IL1RAPL1: variants seen among roughly 807,000 people sequenced by gnomAD.
The protein encoded by IL1RAPL1 is interleukin-1 receptor accessory protein-like 1.
In IL1RAPL1, 3 loss-of-function variants were observed where a neutral mutation model predicts 48.4. The ratio of observed to expected loss-of-function variants is 0.06; its 90% CI spans 0.03 to 0.16. The LOEUF is 0.16. Among genes scored for constraint, IL1RAPL1 ranks in the 10% least tolerant of loss-of-function variants. The pLI is 1.00. For missense variants in IL1RAPL1, 349 were observed against 530.6 expected, an observed-to-expected ratio of 0.66 and a Z score of 3.36; for synonymous variants, 185 against 187.7, an observed-to-expected ratio of 0.99 and a Z score of 0.12.
chrX:28,710,393 G>T (rs961336300), intron 1 of IL1RAPL1, among the ~76,000 whole-genome samples: 11 of 110,863 alleles, frequency 9.9e-5, no homozygotes, highest in African/African-American at 3.3e-4. Flanking sequence ...CTTAAATGGG[G>T]CAGTCAGGGT....
chrX:29,666,858 T>C (rs1926014955), intron 5 of IL1RAPL1, among the ~76,000 whole-genome samples: 1 of 111,475 alleles, frequency 9.0e-6, no homozygotes, highest in African/African-American at 3.3e-5. Flanking sequence ...AACACTTATT[T>C]AGATACCATA....
intron 2 of IL1RAPL1, among the ~76,000 whole-genome samples, chrX:29,158,245 C>T (rs951272646): frequency 6.2e-5 from 7 of 112,239 alleles, no homozygotes; most frequent in Non-Finnish European, 1.3e-4. Flanking sequence ...GAAAGGGTAC[C>T]TTGCATTCCA....
intron 3 of IL1RAPL1, among the ~76,000 whole-genome samples, chrX:29,387,057 A>G (rs1933787281): frequency 8.9e-6 from 1 of 112,171 alleles, no homozygotes; most frequent in East Asian, 2.8e-4. Flanking sequence ...ATTTCAAACC[A>G]TGACAGGGGA....
chrX:28,941,288 A>G (rs1361000340), intron 2 of IL1RAPL1, among the ~76,000 whole-genome samples: 1 of 111,333 alleles, frequency 9.0e-6, no homozygotes, highest in Non-Finnish European at 1.9e-5. Flanking sequence ...AAAAGGGTAG[A>G]GATTAGCGTT....
At chrX:29,921,852 A>T (rs1195717535) in intron 8 of IL1RAPL1, among the ~76,000 whole-genome samples, 1 of 112,159 alleles carries the variant, frequency 8.9e-6, no homozygotes, top group Non-Finnish European at 1.9e-5. Flanking sequence ...GACAGTCACC[A>T]TGAGTCTCTG....
intron 2 of IL1RAPL1, among the ~76,000 whole-genome samples, chrX:28,793,317 A>G (rs1350308942): frequency 9.0e-6 from 1 of 110,667 alleles, no homozygotes; most frequent in Non-Finnish European, 1.9e-5. Flanking sequence ...TTAGCTTTAC[A>G]TTCTTGTTTG....
chrX:28,956,817 G>C (rs1924624845), intron 2 of IL1RAPL1, among the ~76,000 whole-genome samples: 1 of 106,868 alleles, frequency 9.4e-6, no homozygotes, highest in African/African-American at 3.4e-5. Flanking sequence ...CTATTGATTG[G>C]AATAGTTTCA....
chrX:29,515,142 G>C (rs1431687649), intron 5 of IL1RAPL1, among the ~76,000 whole-genome samples: 1 of 112,157 alleles, frequency 8.9e-6, no homozygotes, highest in African/African-American at 3.2e-5. Context: ...TATTGTTTTG[G>C]ATGTATTCAT....
intron 1 of IL1RAPL1, among the ~76,000 whole-genome samples, chrX:28,684,076 C>T (rs1028898179): frequency 3.6e-5 from 4 of 112,377 alleles, no homozygotes; most frequent in South Asian, 3.7e-4. Flanking sequence ...CTTGACCACT[C>T]GTTCTTTAAG....
chrX:29,552,569 G>A (rs1211293554), intron 5 of IL1RAPL1, among the ~76,000 whole-genome samples: 1 of 110,860 alleles, frequency 9.0e-6, no homozygotes, highest in East Asian at 2.8e-4. Flanking sequence ...TACTTCGGTG[G>A]CATTAGATAC....
chrX:28,819,989 TATATA>T (rs1323803094), intron 2 of IL1RAPL1, among the ~76,000 whole-genome samples: 78 of 79,493 alleles, frequency 9.8e-4, no homozygotes, highest in Non-Finnish European at 1.5e-3. Context: ...TATATATATA[TATATA>T]TATATATATA....
At chrX:29,364,048 T>C (rs1157037778) in intron 3 of IL1RAPL1, among the ~76,000 whole-genome samples, 6 of 112,678 alleles carry the variant, frequency 5.3e-5, no homozygotes, top group Non-Finnish European at 1.1e-4. Context: ...TTTATCTGAA[T>C]GACCTGTTCC....
intron 6 of IL1RAPL1, among the ~76,000 whole-genome samples, chrX:29,714,052 G>A (rs1490761869): frequency 1.8e-5 from 2 of 111,613 alleles, no homozygotes; most frequent in African/African-American, 6.5e-5. Flanking sequence ...AATATACGCT[G>A]AGATAGTAGA....
rs942021982 is a variant in IL1RAPL1, at chrX:29,302,303, C to T, written c.362+19086C>T. The stretch of plus-strand genomic sequence containing the variant: ...CAAGAGAGAAAGTTAAGTCACTCAA[C>T]GTTTAATGTCTGATATGACAGAGGT... On this transcript the variant is annotated intron_variant, in intron 3 of 10. Transcript: ENST00000378993. 5.4e-5 allele frequency among the ~76,000 whole-genome samples: 6 copies of T among 111,809 alleles called. No individual in the cohort carries two copies. In the South Asian group the frequency reaches 2.2e-3, roughly 41 times the overall value.
intron 3 of IL1RAPL1, among the ~76,000 whole-genome samples, chrX:29,306,741 G>A (rs1602161813): frequency 1.0e-5 from 1 of 96,545 alleles, no homozygotes; most frequent in African/African-American, 3.8e-5. Flanking sequence ...CACGCCTATA[G>A]TCCCAGCTAC....
intron 6 of IL1RAPL1, among the ~76,000 whole-genome samples, chrX:29,731,824 C>G (rs1250581211): frequency 8.9e-6 from 1 of 111,990 alleles, no homozygotes; most frequent in Non-Finnish European, 1.9e-5. Context: ...CCCATTAAGA[C>G]AGCAAGGGCT....
At chrX:29,826,276 A>G (rs941983641) in intron 6 of IL1RAPL1, among the ~76,000 whole-genome samples, 41 of 111,678 alleles carry the variant, frequency 3.7e-4, no homozygotes, top group Non-Finnish European at 6.0e-4. Flanking sequence ...TCAGGACTCA[A>G]GAGTGTAACA....
At chrX:29,847,007 AGT>A (rs1273645934) in intron 6 of IL1RAPL1, among the ~76,000 whole-genome samples, 1 of 111,019 alleles carries the variant, frequency 9.0e-6, no homozygotes, top group Non-Finnish European at 1.9e-5. Context: ...AGAAAATCTC[AGT>A]TGTGGGAAAT....
At chrX:29,773,996 A>T (rs1929130432) in intron 6 of IL1RAPL1, among the ~76,000 whole-genome samples, 1 of 111,037 alleles carries the variant, frequency 9.0e-6, no homozygotes, top group South Asian at 3.8e-4. Flanking sequence ...AACACATACA[A>T]ATATACATGT....
Sources: allele counts gnomAD v4.1 joint callset (sites outside exome capture counted in the v4.1 genomes callset), GRCh38; gene constraint gnomAD v4.1.1; transcripts MANE v1.5; gene names NCBI Gene and HGNC (gene_info 2026-07-23, HGNC 2026-07-21).